Variants in GSTCD observed in about 807,000 individuals in gnomAD.
GSTCD encodes the protein glutathione S-transferase C-terminal domain containing.
GSTCD carries 44 observed loss-of-function variants against 68.3 expected under a neutral mutation model. That is an observed-to-expected ratio of 0.64 (90% confidence interval 0.51 to 0.83). GSTCD has a LOEUF of 0.83. Among genes scored for constraint, GSTCD ranks in the 40% least tolerant of loss-of-function variants. GSTCD has a pLI of 0.00. For missense variants in GSTCD, 739 were observed against 735.9 expected, an observed-to-expected ratio of 1.00 and a Z score of -0.05; for synonymous variants, 273 against 255.2, an observed-to-expected ratio of 1.07 and a Z score of -0.67.
At chr4:105,757,252 T>G (rs1734231510) in intron 5 of GSTCD, among the ~76,000 whole-genome samples, 1 of 152,212 alleles carries the variant, frequency 6.6e-6, no homozygotes, top group Admixed American at 6.5e-5. Context: ...GCTTAAAATT[T>G]GATTAATTCA....
chr4:105,732,816 C>T (rs1040160468), intron 5 of GSTCD, among the ~76,000 whole-genome samples: 1 of 152,038 alleles, frequency 6.6e-6, no homozygotes, highest in Non-Finnish European at 1.5e-5. Context: ...CTGCTTTCTC[C>T]TGTGGGCATT....
intron 5 of GSTCD, among the ~76,000 whole-genome samples, chr4:105,814,516 G>A (rs1055471287): frequency 6.6e-6 from 1 of 152,274 alleles, no homozygotes; most frequent in African/African-American, 2.4e-5. Flanking sequence ...GGAGGCTGAG[G>A]CAGGAGAATT....
chr4:105,774,648 T>C lies in GSTCD; in HGVS notation c.1240+45149T>C, dbSNP rs142696778. Reference sequence around the variant, plus strand: ...TGGATATGAAACTCTGGGTTGAAAATTCTTTTCTTTAAGAATGTTGAATAT... The same window carrying C: ...TGGATATGAAACTCTGGGTTGAAAACTCTTTTCTTTAAGAATGTTGAATAT... On this transcript the variant is annotated intron_variant, in intron 5 of 11. Transcript: ENST00000515279. Among the ~76,000 whole-genome samples the C allele has an allele frequency of 4.2e-3, 639 of 152,318 alleles. 2 individuals are homozygous for C. Among genetic ancestry groups the C allele is most frequent in the Middle Eastern group, 0.024 (7 of 294 alleles).
intron 5 of GSTCD, among the ~76,000 whole-genome samples, chr4:105,779,557 G>A (rs1735200281): frequency 2.0e-5 from 3 of 151,958 alleles, no homozygotes; most frequent in Admixed American, 2.0e-4. Context: ...TCTCTGCAAG[G>A]TTCTCTGTCA....
intron 8 of GSTCD, among the ~76,000 whole-genome samples, chr4:105,829,860 G>A (rs768715781): frequency 6.6e-5 from 10 of 151,612 alleles, no homozygotes; most frequent in African/African-American, 9.7e-5. Context: ...AAGAAAGGAC[G>A]TCTTGAAAAA....
At chr4:105,758,521 C>G (rs1202368651) in intron 5 of GSTCD, among the ~76,000 whole-genome samples, 1 of 152,218 alleles carries the variant, frequency 6.6e-6, no homozygotes, top group African/African-American at 2.4e-5. Context: ...CCTGCTTCCC[C>G]TTTGCCTTCT....
chr4:105,838,078 T>C (rs1326858972), intron 10 of GSTCD, among the ~76,000 whole-genome samples, 189 bp downstream of exon 10: 2 of 152,224 alleles, frequency 1.3e-5, no homozygotes, highest in African/African-American at 4.8e-5. Flanking sequence ...ACAAGATTTG[T>C]GAAGGGTCTG....
intron 5 of GSTCD, among the ~76,000 whole-genome samples, chr4:105,731,136 T>TTAC (rs1733224795): frequency 6.6e-6 from 1 of 152,220 alleles, no homozygotes; most frequent in Non-Finnish European, 1.5e-5. Context: ...TACTGTAGCC[T>TTAC]TGTAGTATAG....
chr4:105,788,369 A>G (rs1290791904), intron 5 of GSTCD, among the ~76,000 whole-genome samples: 1 of 152,092 alleles, frequency 6.6e-6, no homozygotes, highest in African/African-American at 2.4e-5. Context: ...AAAAAATGGC[A>G]AAGTTAGAGC....
At chr4:105,775,617 T>A (rs1437105234) in intron 5 of GSTCD, among the ~76,000 whole-genome samples, 1 of 152,228 alleles carries the variant, frequency 6.6e-6, no homozygotes, top group Non-Finnish European at 1.5e-5. Flanking sequence ...CTGCTGCAGG[T>A]CTGCTGGAGT....
At chr4:105,731,323 G>T (rs1733232435) in intron 5 of GSTCD, among the ~76,000 whole-genome samples, 1 of 152,190 alleles carries the variant, frequency 6.6e-6, no homozygotes, top group South Asian at 2.1e-4. Flanking sequence ...ACCTTGGGCA[G>T]TATGGCCATT....
chr4:105,841,112 G>A lies in GSTCD; in HGVS notation c.1696-953G>A, dbSNP rs141904766. 4.5e-3 allele frequency among the ~76,000 whole-genome samples: 688 copies of A among 152,068 alleles called. 7 individuals carry two copies. The highest frequency in any genetic ancestry group is 0.016 in the African/African-American group (646 of 41,496). ...GGGCAGATCACAAGGTCAGGAGTTC[G>A]AAACCAGCCTGGCCAACATGGTGAA... On this transcript the variant is annotated intron_variant, in intron 10 of 11. Coordinates refer to ENST00000515279, the MANE Select transcript of GSTCD (RefSeq NM_001370181.1).
intron 5 of GSTCD, among the ~76,000 whole-genome samples, chr4:105,731,001 T>G (rs967608168): frequency 6.7e-6 from 1 of 149,272 alleles, no homozygotes; most frequent in African/African-American, 2.4e-5. Context: ...AATGGGGAAT[T>G]TCTTGTTTTT....
chr4:105,809,207 A>C (rs1247404138), intron 5 of GSTCD, among the ~76,000 whole-genome samples: 1 of 152,058 alleles, frequency 6.6e-6, no homozygotes, highest in Non-Finnish European at 1.5e-5. Flanking sequence ...TGGCCATTTC[A>C]GTGTCTTTTA....
In GSTCD at chr4:105,748,469, A is replaced by G. The variant is rs998396072; in HGVS notation, c.1240+18970A>G. 2.1e-4 allele frequency among the ~76,000 whole-genome samples: 32 copies of G among 152,160 alleles called. 2 individuals are homozygous for G. The highest frequency in any genetic ancestry group is 4.4e-5 in the Non-Finnish European group (3 of 68,020). ...ATTTTTGAGTATTTTCTCTTCTATT[A>G]AGAGTGAAATTCTCAATACGCATTT... On this transcript the variant is annotated intron_variant, in intron 5 of 11. Transcript: ENST00000515279.
At position 105,822,965 on chromosome 4, in the gene GSTCD, A is replaced by G; in HGVS notation, c.1252A>G (p.Ser418Gly). The change falls in exon 6 of 12, where the codon AGT becomes GGT. Residue 418 changes from serine to glycine, a missense_variant. Physicochemically the swap from Ser to Gly is moderately conservative, Grantham distance 56. Transcript: ENST00000515279. ...CTTGTCTTTCTCAGGTAAAATGTCC[A>G]GTGATCGAGCTTTGAGGAAGCAGCA... The part of the protein sequence containing the change: ...AVSPKEGKMS[S>G]DRALRKQQQL... 1 of 1,612,250 alleles carries G rather than the reference A, an allele frequency of 6.2e-7. No homozygotes were observed. Among genetic ancestry groups the G allele is most frequent in the Non-Finnish European group, 8.5e-7 (1 of 1,178,880 alleles).
chr4:105,724,416 AT>A (rs1408238914), intron 3 of GSTCD, among the ~76,000 whole-genome samples: 9 of 151,788 alleles, frequency 5.9e-5, no homozygotes, highest in Non-Finnish European at 1.3e-4. Context: ...TAAAAAAAAA[AT>A]TCTATAGTGC....
intron 5 of GSTCD, among the ~76,000 whole-genome samples, chr4:105,798,376 A>G (rs1252066899): frequency 1.3e-5 from 2 of 151,884 alleles, no homozygotes; most frequent in East Asian, 3.9e-4. Context: ...CCTCCTGTGA[A>G]TTATGAATGT....
intron 5 of GSTCD, among the ~76,000 whole-genome samples, chr4:105,730,387 C>G (rs1388028200): frequency 6.6e-6 from 1 of 152,208 alleles, no homozygotes; most frequent in Non-Finnish European, 1.5e-5. Context: ...TATTTCTCCA[C>G]ATTGTATCCA....
Sources: allele counts gnomAD v4.1 joint callset (sites outside exome capture counted in the v4.1 genomes callset), GRCh38; gene constraint gnomAD v4.1.1; transcripts MANE v1.5; gene names NCBI Gene and HGNC (gene_info 2026-07-23, HGNC 2026-07-21).